UNC80: variants seen among roughly 807,000 people sequenced by gnomAD.
The protein encoded by UNC80 is protein unc-80 homolog.
UNC80 carries 164 observed loss-of-function variants against 384.6 expected under a neutral mutation model. The ratio of observed to expected loss-of-function variants is 0.43; its 90% confidence interval spans 0.38 to 0.49. The LOEUF is 0.49. Ranked by LOEUF, UNC80 falls within the 20% of genes least tolerant of loss-of-function variation. The pLI is 0.00. For synonymous variants in UNC80, 1,486 were observed against 1,527.8 expected (o/e 0.97, Z 0.64); for missense variants, 3,330 against 4,143.0 (o/e 0.80, Z 5.39).
intron 7 of UNC80, among the ~76,000 whole-genome samples, chr2:209,802,832 ATC>A (rs765985540): frequency 2.0e-4 from 30 of 152,328 alleles, no homozygotes; most frequent in Non-Finnish European, 4.0e-4. Context: ...CTGGGGAAAT[ATC>A]CAGTTACAGT....
chr2:209,938,736 GTC>G (rs1328718237), intron 42 of UNC80, among the ~76,000 whole-genome samples: 4 of 148,442 alleles, frequency 2.7e-5, no homozygotes, highest in African/African-American at 1.0e-4. Flanking sequence ...GTGTGTGTGT[GTC>G]TATTCATCAT....
At chr2:209,948,390 TATC>T (rs2092007136) in intron 47 of UNC80, among the ~76,000 whole-genome samples, 1 of 152,174 alleles carries the variant, frequency 6.6e-6, no homozygotes, top group Non-Finnish European at 1.5e-5. Context: ...TGACATCCAT[TATC>T]ATTTTAATTT....
At position 209,959,625 on chromosome 2, in the gene UNC80, C is replaced by T. The variant is rs1180447213; in HGVS notation, c.7723C>T (p.Pro2575Ser). 1 of 1,551,586 alleles carries T rather than the reference C, an allele frequency of 6.4e-7. No homozygotes were observed. Among genetic ancestry groups the T allele is most frequent in the African/African-American group, 1.4e-5 (1 of 73,024 alleles). Residue 2575 changes from proline (P) to serine (S), a missense_variant, in exon 51 of 65, where the codon CCA becomes TCA. Pro to Ser is a moderately conservative substitution (Grantham distance 74). Coordinates refer to ENST00000673920, the MANE Select transcript of UNC80 (RefSeq NM_001371986.1). ...CACTGAGTTCTATAAGCACTGTGGG[C>T]CACGGCTGAAGATCTTGCAAAATCT... ...ICTEFYKHCG[P>S]RLKILQNLAG...
chr2:209,939,522 C>A lies in UNC80; in HGVS notation c.6516C>A (p.Ser2172=). Residue 2172 remains serine, a synonymous_variant, in exon 43 of 65, where the codon TCC becomes TCA. Coordinates refer to ENST00000673920, the MANE Select transcript of UNC80 (RefSeq NM_001371986.1). ...EEVGRVLFLI[S]LTQKIPTAHK... ...TAGGGCGGGTGTTGTTTCTCATCTC[C>A]CTAACCCAGAAGATCCCCACAGCCC... 6.4e-7 allele frequency: 1 copy of A among 1,551,480 alleles called. No homozygotes were observed. The highest frequency in any genetic ancestry group is 8.7e-7 in the Non-Finnish European group (1 of 1,146,866).
intron 25 of UNC80, 35 bp from the exon 26 acceptor site, chr2:209,888,060 T>C (rs2085990298): frequency 1.3e-6 from 2 of 1,548,326 alleles, no homozygotes; most frequent in Non-Finnish European, 1.7e-6. Flanking sequence ...GCTGGGGAGA[T>C]GCCAGCACTC....
chr2:209,773,725 T>C (rs989939105), intron 2 of UNC80, among the ~76,000 whole-genome samples: 2 of 152,230 alleles, frequency 1.3e-5, no homozygotes, highest in Non-Finnish European at 2.9e-5. Context: ...CTGAGACTTA[T>C]AGTGGAAGTT....
chr2:209,885,754 C>CT lies in UNC80; in HGVS notation c.4111-2323dup, dbSNP rs1410561654. 3.9e-3 allele frequency among the ~76,000 whole-genome samples: 534 copies of CT among 135,840 alleles called. 4 individuals carry two copies. Among genetic ancestry groups the CT allele is most frequent in the Non-Finnish European group, 3.7e-3 (231 of 62,204 alleles). The allele number at this position is 135,840 out of a possible 152,430, so 89.1% of individuals were successfully genotyped here. On this transcript the variant is annotated intron_variant, in intron 25 of 64. Coordinates refer to ENST00000673920, the MANE Select transcript of UNC80 (RefSeq NM_001371986.1). ...CAAAATGTAGAGTCTAAAATGTTAA[C>CT]TTTTTTTTTTTTTTTTTTGAGATGG...
intron 47 of UNC80, among the ~76,000 whole-genome samples, chr2:209,953,031 A>C (rs1304939893): frequency 1.3e-5 from 2 of 152,196 alleles, no homozygotes; most frequent in African/African-American, 4.8e-5. Flanking sequence ...AGATCAAAGA[A>C]AATCTTGATT....
At position 209,976,609 on chromosome 2, in the gene UNC80, T is replaced by C. The variant is rs2093020547; in HGVS notation, c.8773-304T>C. On this transcript the variant is annotated intron_variant, in intron 57 of 64. Coordinates refer to ENST00000673920, the MANE Select transcript of UNC80 (RefSeq NM_001371986.1). The surrounding 1 kb of genome is among the most constrained non-coding windows in gnomAD (Gnocchi z 4.3). ...CAGTGGAATAGTTTGGAGAATCTTC[T>C]ATCTTCAGTGACATGACTGAGATCT... is the stretch of plus-strand genomic sequence containing the variant. 6.6e-6 allele frequency among the ~76,000 whole-genome samples: 1 copy of C among 152,104 alleles called. No homozygotes were observed. The highest frequency in any genetic ancestry group is 1.5e-5 in the Non-Finnish European group (1 of 68,030).
At chr2:209,812,202 AC>A (rs937166053) in intron 7 of UNC80, among the ~76,000 whole-genome samples, 12 of 148,690 alleles carry the variant, frequency 8.1e-5, no homozygotes, top group African/African-American at 3.0e-4. Flanking sequence ...GGCGCCCGCC[AC>A]CAAGAGCGGC....
At chr2:209,835,065 A>G (rs1316148015) in intron 18 of UNC80, 55 bp downstream of exon 18, 5 of 1,367,938 alleles carry the variant, frequency 3.7e-6, no homozygotes, top group Non-Finnish European at 5.1e-6. Context: ...TCACTCTGGA[A>G]GAATTTCTAT....
rs370534759 is a variant in UNC80, at chr2:209,772,993, T to C, written c.93-101T>C. 5.2e-6 allele frequency: 5 copies of C among 953,846 alleles called. No homozygotes were observed. The African/African-American group carries it at 8.3e-5, about 16-fold the overall frequency. 59.1% of individuals were successfully genotyped at this position (953,846 alleles called of 1,614,324 possible). A position where few individuals can be genotyped will look rare whatever the true frequency, so the allele number is the denominator to read the frequency against. On this transcript the variant is annotated intron_variant, in intron 1 of 64. Transcript: ENST00000673920. ...CTATAAGGAAGCATGAAATTTGAAT[T>C]TCATAGCATCCTGTCTTATTCATTG...
intron 24 of UNC80, among the ~76,000 whole-genome samples, chr2:209,878,503 A>T (rs189540090): frequency 1.5e-3 from 221 of 152,290 alleles, no homozygotes; most frequent in African/African-American, 5.1e-3. Flanking sequence ...TTGAATGTGA[A>T]ATATTTTCCA....
chr2:209,939,752 C>T (rs987801797), intron 43 of UNC80, 100 bp downstream of exon 43: 1 of 1,143,684 alleles, frequency 8.7e-7, no homozygotes, highest in Non-Finnish European at 1.2e-6. Flanking sequence ...TTTTAGGGTA[C>T]ATGTGCTCAA....
At position 209,996,845 on chromosome 2, in the gene UNC80, T is replaced by C. The variant is rs1201837169; in HGVS notation, c.*1250T>C. 6.6e-6 allele frequency: 1 copy of C among 152,146 alleles called. No individual in the cohort carries two copies. Among genetic ancestry groups the C allele is most frequent in the Non-Finnish European group, 1.5e-5 (1 of 68,004 alleles). 9.4% of individuals were successfully genotyped at this position (152,146 alleles called of 1,614,324 possible). On this transcript the variant is annotated 3_prime_UTR_variant, in exon 65 of 65. Coordinates refer to ENST00000673920, the MANE Select transcript of UNC80 (RefSeq NM_001371986.1). ...AAAACTGTTACCTAACAACCAAGCA[T>C]ATACAAACTCATATACATACTTAAA... is the stretch of plus-strand genomic sequence containing the variant.
intron 61 of UNC80, among the ~76,000 whole-genome samples, chr2:209,985,803 C>T (rs775767291): frequency 2.3e-4 from 35 of 152,152 alleles, no homozygotes; most frequent in Non-Finnish European, 2.9e-4. Flanking sequence ...GTACAATACA[C>T]CCGTGTTTAT....
At chr2:209,942,955 A>T (rs1385786820) in intron 44 of UNC80, among the ~76,000 whole-genome samples, 1 of 152,154 alleles carries the variant, frequency 6.6e-6, no homozygotes, top group Non-Finnish European at 1.5e-5. Flanking sequence ...TAGGCATTTT[A>T]TATAGCTATA....
rs1452040554 is a variant in UNC80 at position 209,839,655 on chromosome 2, C to T, written c.3250+225C>T. 6.6e-6 allele frequency among the ~76,000 whole-genome samples: 1 copy of T among 152,148 alleles called. No individual in the cohort carries two copies. The highest frequency in any genetic ancestry group is 1.5e-5 in the Non-Finnish European group (1 of 68,046). On this transcript the variant is annotated intron_variant, in intron 19 of 64. Coordinates refer to ENST00000673920, the MANE Select transcript of UNC80 (RefSeq NM_001371986.1). The surrounding 1 kb of genome is among the most constrained non-coding windows in gnomAD (Gnocchi z 4.1). ...ACACTAGCCATCAAGGATTAAATAG[C>T]AAGCAAATACACACAGCCTCCTAAC...
At chr2:209,890,663 C>T (rs533743848) in intron 26 of UNC80, among the ~76,000 whole-genome samples, 7 of 152,136 alleles carry the variant, frequency 4.6e-5, no homozygotes, top group Non-Finnish European at 8.8e-5. Flanking sequence ...AGTTATTTAC[C>T]TTCTAAGCCA....
Sources: allele counts gnomAD v4.1 joint callset (sites outside exome capture counted in the v4.1 genomes callset), GRCh38; gene constraint gnomAD v4.1.1; non-coding constraint Gnocchi (gnomAD v3.1); transcripts MANE v1.5; gene names NCBI Gene and HGNC (gene_info 2026-07-23, HGNC 2026-07-21).